CST1: variants seen among roughly 807,000 people sequenced by gnomAD.
CST1 encodes cystatin-SN.
CST1 carries 19 observed loss-of-function variants against 10.7 expected under a neutral mutation model. The ratio of observed to expected loss-of-function variants is 1.78; its 90% CI spans 1.24 to 2.61. The LOEUF (loss-of-function observed/expected upper bound fraction) is 2.61, where lower values mean the gene tolerates loss of function less well. Among genes scored for constraint, CST1 ranks in the 30% most tolerant of loss-of-function variants. The pLI, the probability that CST1 is intolerant of heterozygous loss-of-function variation, is 0.00. For missense variants in CST1, 247 were observed against 178.1 expected, an observed-to-expected ratio of 1.39 and a Z score of -2.20; for synonymous variants, 95 against 72.8, an observed-to-expected ratio of 1.31 and a Z score of -1.55.
intron 2 of CST1, among the ~76,000 whole-genome samples, chr20:23,748,219 C>A (rs1044913661): frequency 3.3e-5 from 5 of 152,028 alleles, no homozygotes; most frequent in African/African-American, 1.2e-4. Context: ...CAGCTCAGTT[C>A]CCCCAGCTCC....
Position 23,748,441 on chromosome 20 carries a change from C to T in CST1, c.343-542G>A, listed in dbSNP as rs187247414. ...GGTCCAGGGCTTCCCAGCTAACAGG[C>T]CTCTAGGTCCCACTAATCTGATCAC... On this transcript the variant is annotated intron_variant, in intron 2 of 2. Transcript: ENST00000304749. Among the ~76,000 whole-genome samples, 332 of 152,204 alleles carry T rather than the reference C, an allele frequency of 2.2e-3. 1 individual carries two copies. The highest frequency in any genetic ancestry group is 4.4e-3 in the Admixed American group (67 of 15,292).
intron 1 of CST1, 58 bp downstream of exon 1, chr20:23,750,581 G>A: frequency 6.8e-7 from 1 of 1,465,628 alleles, no homozygotes; most frequent in Non-Finnish European, 9.5e-7. Context: ...ATGCTCTTGG[G>A]GGTTGGGGAA....
Position 23,747,819 on chromosome 20 carries a change from G to C in CST1, c.423C>G (p.Ser141=). The change falls in exon 3 of 3, where the codon TCC becomes TCG. Residue 141 remains serine (S), a synonymous_variant. Coordinates refer to ENST00000304749, the MANE Select transcript of CST1 (RefSeq NM_001898.3). ...GCGAATGGCCTGGCACAGATCCCTA[G>C]GATTCTTGACACCTGGATTTCACCA... ...RSLVKSRCQE[S] 1 of 1,613,838 alleles carries C rather than the reference G, an allele frequency of 6.2e-7. No homozygotes were observed. The highest frequency in any genetic ancestry group is 1.1e-5 in the South Asian group (1 of 91,072).
chr20:23,750,168 G>A (rs1982790175), intron 1 of CST1, among the ~76,000 whole-genome samples: 1 of 152,140 alleles, frequency 6.6e-6, no homozygotes, highest in African/African-American at 2.4e-5. Flanking sequence ...GCCCTGGGCT[G>A]TAGGGGTTTG....
intron 2 of CST1, among the ~76,000 whole-genome samples, chr20:23,748,133 C>A (rs565455629): frequency 2.4e-4 from 36 of 152,248 alleles, no homozygotes; most frequent in Admixed American, 4.6e-4. Flanking sequence ...CCTGCAGTGT[C>A]CTGTCCCAGC....
Position 23,750,578 on chromosome 20 carries a change from T to G in CST1, c.228+61A>C, listed in dbSNP as rs139572277. ...AGTGTTGATTTGCTGGGAATGCTCT[T>G]GGGGGTTGGGGAACAAACCAGGCTG... On this transcript the variant is annotated intron_variant, in intron 1 of 2. Coordinates refer to ENST00000304749, the MANE Select transcript of CST1 (RefSeq NM_001898.3). 2,598 of 1,446,326 alleles carry G rather than the reference T, an allele frequency of 1.8e-3. 5 individuals carry two copies. The highest frequency in any genetic ancestry group is 2.3e-3 in the Non-Finnish European group (2,405 of 1,031,170). 89.6% of individuals were successfully genotyped at this position (1,446,326 alleles called of 1,614,324 possible).
Position 23,747,613 on chromosome 20 carries a change from A to T in CST1, c.*203T>A, listed in dbSNP as rs1182993956. 8 of 602,756 alleles carry T rather than the reference A, an allele frequency of 1.3e-5. No individual in the cohort carries two copies. Among genetic ancestry groups the T allele is most frequent in the Non-Finnish European group, 2.4e-5 (8 of 337,974 alleles). 37.3% of individuals were successfully genotyped at this position (602,756 alleles called of 1,614,324 possible). A position where few individuals can be genotyped will look rare whatever the true frequency, so the allele number is the denominator to read the frequency against. On this transcript the variant is annotated 3_prime_UTR_variant, in exon 3 of 3. Coordinates refer to ENST00000304749, the MANE Select transcript of CST1 (RefSeq NM_001898.3). The stretch of plus-strand genomic sequence containing the variant: ...GGTGGGGGGGTGTGTACCATGTACC[A>T]GGGCTATTAGAAGCAAGAAGGAAGG...
intron 1 of CST1, 51 bp downstream of exon 1, chr20:23,750,588 G>T (rs746450009): frequency 1.9e-6 from 3 of 1,545,322 alleles, no homozygotes; most frequent in South Asian, 1.1e-5. Context: ...TGGGGGTTGG[G>T]GAACAAACCA....
chr20:23,747,964 A>G, intron 2 of CST1, 65 bp from the exon 3 acceptor site: 1 of 1,490,630 alleles, frequency 6.7e-7, no homozygotes, highest in Non-Finnish European at 9.3e-7. Flanking sequence ...ATGCCCAGGC[A>G]TGAGATGTCA....
At position 23,750,824 on chromosome 20, in the gene CST1, G is replaced by A. The variant is rs754507565; in HGVS notation, c.43C>T (p.Leu15=). 5 of 1,613,800 alleles carry A rather than the reference G, an allele frequency of 3.1e-6. No individual in the cohort carries two copies. The African/African-American group carries it at 4.0e-5, about 13-fold the overall frequency. Reference sequence around the variant, plus strand: ...GGGCTCCAGGCCAGGGCCACAGCTAGGGTGGCCAGCAGGAGCAGCAGGGTA... The same window carrying A: ...GGGCTCCAGGCCAGGGCCACAGCTAAGGTGGCCAGCAGGAGCAGCAGGGTA... ...LSTLLLLLAT[L]AVALAWSPKE... Residue 15 remains leucine, a synonymous_variant, in exon 1 of 3, where the codon CTA becomes TTA. Transcript: ENST00000304749.
intron 2 of CST1, 105 bp downstream of exon 2, chr20:23,748,911 C>G: frequency 1.1e-6 from 1 of 894,018 alleles, no homozygotes; most frequent in East Asian, 2.6e-5. Context: ...TCCCCACATA[C>G]CCACCTGCAC....
At chr20:23,750,267 G>A (rs1982793828) in intron 1 of CST1, among the ~76,000 whole-genome samples, 1 of 152,178 alleles carries the variant, frequency 6.6e-6, no homozygotes, top group Non-Finnish European at 1.5e-5. Context: ...AGAACAGTGA[G>A]CCAGGTTCCT....
At position 23,750,735 on chromosome 20, in the gene CST1, T is replaced by C. The variant is rs1345782535; in HGVS notation, c.132A>G (p.Val44=). 3.1e-6 allele frequency: 5 copies of C among 1,614,178 alleles called. No individual in the cohort carries two copies. The highest frequency in any genetic ancestry group is 1.1e-5 in the South Asian group (1 of 91,088). The change falls in exon 1 of 3, where the codon GTA becomes GTG. Residue 44 remains valine (V), a synonymous_variant. Coordinates refer to ENST00000304749, the MANE Select transcript of CST1 (RefSeq NM_001898.3). ...TGATGGCGAAGTGAAGGGCACGCTG[T>C]ACCCACTCATCATTGAGGTCTGCGT... is the stretch of plus-strand genomic sequence containing the variant. ...IYNADLNDEW[V]QRALHFAISE...
rs1227941036 is a variant in CST1, at chr20:23,750,845, G to A, written c.22C>T (p.Leu8=). The change falls in exon 1 of 3, where the codon CTG becomes TTG. Residue 8 remains leucine, a synonymous_variant. Coordinates refer to ENST00000304749, the MANE Select transcript of CST1 (RefSeq NM_001898.3). Reference sequence around the variant, plus strand: ...GCTAGGGTGGCCAGCAGGAGCAGCAGGGTACTCAGATACTGGGCCATGGTC... The same window carrying A: ...GCTAGGGTGGCCAGCAGGAGCAGCAAGGTACTCAGATACTGGGCCATGGTC... The part of the protein sequence containing the change: MAQYLST[L]LLLLATLAVA... 1 of 1,612,842 alleles carries A rather than the reference G, an allele frequency of 6.2e-7. No individual in the cohort carries two copies.
intron 1 of CST1, among the ~76,000 whole-genome samples, chr20:23,749,624 A>T (rs1362155335): frequency 6.6e-6 from 1 of 152,160 alleles, no homozygotes; most frequent in Admixed American, 6.5e-5. Flanking sequence ...ATTAGAATTG[A>T]ACCCTTTCCC....
At chr20:23,749,536 G>A (rs557680790) in intron 1 of CST1, among the ~76,000 whole-genome samples, 14 of 152,266 alleles carry the variant, frequency 9.2e-5, no homozygotes, top group East Asian at 7.7e-4. Flanking sequence ...GGGGCCGCCC[G>A]GATGCCACCA....
intron 2 of CST1, among the ~76,000 whole-genome samples, chr20:23,748,223 C>A (rs1982723402): frequency 6.6e-6 from 1 of 152,054 alleles, no homozygotes; most frequent in African/African-American, 2.4e-5. Flanking sequence ...TCAGTTCCCC[C>A]AGCTCCTTCC....
rs555331236 is a variant in CST1 at position 23,747,910 on chromosome 20, G to A, written c.343-11C>T. 4.2e-5 allele frequency: 68 copies of A among 1,610,832 alleles called. 1 individual carries two copies. In the South Asian group the frequency reaches 4.4e-4, roughly 10 times the overall value. On this transcript the variant is annotated splice_polypyrimidine_tract_variant and intron_variant, in intron 2 of 2. Coordinates refer to ENST00000304749, the MANE Select transcript of CST1 (RefSeq NM_001898.3). ...AGAGCACAACTGTTTCTGTGAAAGG[G>A]AAGAGAGAGGGCCAATCAGTGTGGG...
intron 2 of CST1, 135 bp downstream of exon 2, chr20:23,748,881 C>T (rs1290367793): frequency 3.5e-5 from 23 of 665,964 alleles, no homozygotes; most frequent in African/African-American, 1.3e-4. Context: ...TGAACACGTA[C>T]ACATCCATGC....
Sources: gnomAD v4.1 joint callset for allele counts (sites outside exome capture counted in the v4.1 genomes callset) on GRCh38, gnomAD v4.1.1 for gene constraint, MANE v1.5 for transcripts, NCBI Gene and HGNC (gene_info 2026-07-23, HGNC 2026-07-21) for gene names.